NHSL2: variants seen among roughly 807,000 people sequenced by gnomAD.
NHSL2 encodes the protein NHS-like protein 2.
A neutral mutation model predicts 53.4 loss-of-function variants in NHSL2; 27 were observed. The observed-to-expected ratio is 0.51, with a 90% confidence interval of 0.37 to 0.70. The LOEUF is 0.70. Among genes scored for constraint, NHSL2 ranks in the 30% least tolerant of loss-of-function variants. NHSL2 has a pLI of 0.00. For synonymous variants in NHSL2, 408 were observed against 404.1 expected (o/e 1.01, Z -0.12); for missense variants, 892 against 980.1 (o/e 0.91, Z 1.20).
chrX:71,990,384 A>G (rs752409296), intron 1 of NHSL2, among the ~76,000 whole-genome samples: 1 of 110,881 alleles, frequency 9.0e-6, no homozygotes, highest in South Asian at 3.8e-4. Flanking sequence ...TCCCACCCAC[A>G]TACTTTCCCC....
chrX:72,018,212 C>G (rs2042143346), intron 1 of NHSL2, among the ~76,000 whole-genome samples: 1 of 111,241 alleles, frequency 9.0e-6, no homozygotes, highest in African/African-American at 3.3e-5. Flanking sequence ...GGGTGAGGAC[C>G]TGGGAGGTTA....
chrX:72,049,411 C>G (rs2042327165), intron 1 of NHSL2, among the ~76,000 whole-genome samples: 1 of 110,944 alleles, frequency 9.0e-6, no homozygotes, highest in African/African-American at 3.3e-5. Flanking sequence ...CCACTTTTTC[C>G]TAATTCTCTC....
chrX:71,973,634 A>G (rs1193571410), intron 1 of NHSL2, among the ~76,000 whole-genome samples: 2 of 110,249 alleles, frequency 1.8e-5, no homozygotes, highest in Non-Finnish European at 3.8e-5. Context: ...GGAGGTGGGG[A>G]GGGGATAGGA....
chrX:72,142,295 T>C lies in NHSL2; in HGVS notation c.3287T>C (p.Ile1096Thr). 1 of 1,156,677 alleles carries C rather than the reference T, an allele frequency of 8.6e-7. No individual in the cohort carries two copies. ...ATCAGTGATAAAACAGCTGAATGGA[T>C]TGCAGAGGATGATGATGACGTGTTT... is the stretch of plus-strand genomic sequence containing the variant. ...SLISDKTAEWIAEDDDDVFVA... is the reference protein window; with the variant it reads ...SLISDKTAEWTAEDDDDVFVA... Residue 1096 changes from isoleucine to threonine, a missense_variant, in exon 7 of 8, where the codon ATT (isoleucine) becomes ACT (threonine). Ile to Thr is a moderately conservative substitution (Grantham distance 89). Coordinates refer to ENST00000633930, the MANE Select transcript of NHSL2 (RefSeq NM_001013627.3).
rs1189823962 is a variant in NHSL2 at position 72,144,522 on chromosome X, C to T, written c.*948C>T. The stretch of plus-strand genomic sequence containing the variant: ...ACTGAAGGAACAGCATCATCAAAGG[C>T]TCAAGGATAATGGAAAGTAAGTGCA... On this transcript the variant is annotated 3_prime_UTR_variant, in exon 8 of 8. Coordinates refer to ENST00000633930, the MANE Select transcript of NHSL2 (RefSeq NM_001013627.3). 1 of 1,023,887 alleles carries T rather than the reference C, an allele frequency of 9.8e-7. No individual in the cohort carries two copies. Among genetic ancestry groups the T allele is most frequent in the Non-Finnish European group, 1.3e-6 (1 of 775,494 alleles). The allele number at this position is 1,023,887 out of a possible 1,213,427, so 84.4% of individuals were successfully genotyped here.
At chrX:72,015,568 G>A (rs1196058253) in intron 1 of NHSL2, among the ~76,000 whole-genome samples, 1 of 112,192 alleles carries the variant, frequency 8.9e-6, no homozygotes. Flanking sequence ...ATGTTAATGG[G>A]TGTTGTCCAA....
intron 1 of NHSL2, among the ~76,000 whole-genome samples, chrX:72,115,439 G>T (rs1202882052): frequency 2.2e-4 from 19 of 85,359 alleles, no homozygotes; most frequent in Non-Finnish European, 3.4e-4. Context: ...GGCGGGGGGG[G>T]GGTGCGGGGG....
At chrX:72,129,859 C>T (rs756273317) in intron 1 of NHSL2, 5 of 1,200,630 alleles carry the variant, frequency 4.2e-6, no homozygotes, top group Non-Finnish European at 5.6e-6. Context: ...ACGAGCAGCT[C>T]GGTGGCCCCC....
At chrX:72,000,505 A>T (rs777029008) in intron 1 of NHSL2, among the ~76,000 whole-genome samples, 1 of 112,183 alleles carries the variant, frequency 8.9e-6, no homozygotes, top group Non-Finnish European at 1.9e-5. Flanking sequence ...ATTATCTTAC[A>T]GTTCTGGAGG....
chrX:71,961,817 C>T (rs868841318), intron 1 of NHSL2, among the ~76,000 whole-genome samples: 1 of 111,414 alleles, frequency 9.0e-6, no homozygotes, highest in Middle Eastern at 4.6e-3. Context: ...TACAGGCATG[C>T]ACCACCATGT....
chrX:72,027,030 G>A (rs746340958), intron 1 of NHSL2, among the ~76,000 whole-genome samples: 4 of 112,414 alleles, frequency 3.6e-5, no homozygotes, highest in African/African-American at 6.5e-5. Flanking sequence ...TTTGAGAGGA[G>A]AAGAGGAAAG....
intron 1 of NHSL2, among the ~76,000 whole-genome samples, chrX:72,072,568 A>G (rs1375869577): frequency 9.0e-6 from 1 of 111,215 alleles, no homozygotes; most frequent in Non-Finnish European, 1.9e-5. Flanking sequence ...TGCTTTCACT[A>G]ATGCACTTTT....
chrX:72,073,290 A>T (rs2041715398), intron 1 of NHSL2, among the ~76,000 whole-genome samples: 1 of 110,671 alleles, frequency 9.0e-6, no homozygotes, highest in Non-Finnish European at 1.9e-5. Flanking sequence ...GGGCAGTCGC[A>T]GCACGTGGAA....
intron 1 of NHSL2, among the ~76,000 whole-genome samples, chrX:72,107,403 T>C (rs748515033): frequency 1.8e-5 from 2 of 112,850 alleles, no homozygotes; most frequent in Non-Finnish European, 3.8e-5. Flanking sequence ...TTTGGCCCCC[T>C]TGTGGGTAGG....
At chrX:71,972,355 A>G (rs1331530701) in intron 1 of NHSL2, among the ~76,000 whole-genome samples, 1 of 112,355 alleles carries the variant, frequency 8.9e-6, no homozygotes, top group African/African-American at 3.2e-5. Flanking sequence ...TCATTTTTAA[A>G]TGATAGTTAT....
Position 72,144,584 on chromosome X carries a change from T to C in NHSL2, c.*1010T>C, listed in dbSNP as rs1333830373. On this transcript the variant is annotated 3_prime_UTR_variant, in exon 8 of 8. Transcript: ENST00000633930. The stretch of plus-strand genomic sequence containing the variant: ...ACCAGTCAATTCAGATCGTGGTTTG[T>C]GGTTGGTTTGGTTTTGTTTAAAGGA... 1.0e-6 allele frequency: 1 copy of C among 1,002,155 alleles called. No individual in the cohort carries two copies. Among genetic ancestry groups the C allele is most frequent in the Admixed American group, 2.5e-5 (1 of 40,207 alleles). The allele number at this position is 1,002,155 out of a possible 1,213,427, so 82.6% of individuals were successfully genotyped here.
At position 72,098,999 on chromosome X, in the gene NHSL2, A is replaced by G. The variant is rs144264987; in HGVS notation, c.281-33080A>G. On this transcript the variant is annotated intron_variant, in intron 1 of 7. Coordinates refer to ENST00000633930, the MANE Select transcript of NHSL2 (RefSeq NM_001013627.3). ...CTTGCCCATTTTTTTCAACTTACCAATAACTCTGCAGTTTTCTAGTTTCTA... is the reference window on the plus strand; with the variant it reads ...CTTGCCCATTTTTTTCAACTTACCAGTAACTCTGCAGTTTTCTAGTTTCTA... 8.9e-3 allele frequency among the ~76,000 whole-genome samples: 994 copies of G among 112,311 alleles called. 10 individuals are homozygous for G. The highest frequency in any genetic ancestry group is 0.031 in the African/African-American group (942 of 30,847).
At chrX:71,964,745 C>T (rs1259286682) in intron 1 of NHSL2, among the ~76,000 whole-genome samples, 3 of 112,193 alleles carry the variant, frequency 2.7e-5, no homozygotes, top group South Asian at 3.7e-4. Context: ...ATATTATTCT[C>T]CTACCAATTA....
chrX:72,110,580 C>G (rs2042082941), intron 1 of NHSL2, among the ~76,000 whole-genome samples: 1 of 109,639 alleles, frequency 9.1e-6, no homozygotes, highest in Admixed American at 9.8e-5. Flanking sequence ...AACAAAGAAA[C>G]CCAACCCCAG....
Sources: allele counts gnomAD v4.1 joint callset (sites outside exome capture counted in the v4.1 genomes callset), GRCh38; gene constraint gnomAD v4.1.1; transcripts MANE v1.5; gene names NCBI Gene and HGNC (gene_info 2026-07-23, HGNC 2026-07-21).